ASTN2: variants seen among roughly 807,000 people sequenced by gnomAD.
The protein encoded by ASTN2 is astrotactin 2.
Under a neutral mutation model 139.8 loss-of-function variants are expected in ASTN2, and 54 were observed. The ratio of observed to expected loss-of-function variants is 0.39; its 90% CI spans 0.31 to 0.48. ASTN2 has a LOEUF of 0.48. ASTN2 is among the 20% of genes least tolerant of loss of function. The pLI is 0.95. For missense variants in ASTN2, 1,565 were observed against 1,725.1 expected, an observed-to-expected ratio of 0.91 and a Z score of 1.64; for synonymous variants, 756 against 719.5, an observed-to-expected ratio of 1.05 and a Z score of -0.81.
intron 19 of ASTN2, among the ~76,000 whole-genome samples, chr9:116,513,061 TTTGC>T (rs1331075645): frequency 6.6e-6 from 1 of 152,242 alleles, no homozygotes; most frequent in Non-Finnish European, 1.5e-5. Flanking sequence ...AGCTGGTTAT[TTTGC>T]TTGTTAGTTG....
chr9:116,807,793 T>C (rs765796742), intron 12 of ASTN2, among the ~76,000 whole-genome samples: 52 of 152,048 alleles, frequency 3.4e-4, no homozygotes, highest in African/African-American at 7.2e-4. Context: ...TGAATAAATA[T>C]ATTATTGTTG....
intron 5 of ASTN2, among the ~76,000 whole-genome samples, chr9:117,053,645 C>T (rs1219579928): frequency 6.6e-6 from 1 of 152,136 alleles, no homozygotes; most frequent in African/African-American, 2.4e-5. Flanking sequence ...GTTTGTTGAC[C>T]ATCAAGGGCC....
At chr9:116,457,212 A>T (rs987198205) in intron 20 of ASTN2, among the ~76,000 whole-genome samples, 15 of 152,250 alleles carry the variant, frequency 9.9e-5, no homozygotes, top group South Asian at 4.1e-4. Flanking sequence ...CAAAATAATT[A>T]AAAAAGTTAC....
chr9:116,624,355 C>G (rs574357015), intron 17 of ASTN2, among the ~76,000 whole-genome samples: 3 of 152,244 alleles, frequency 2.0e-5, no homozygotes, highest in Non-Finnish European at 4.4e-5. Context: ...CTTGTGCCTT[C>G]CAGAAACTAA....
chr9:116,620,586 C>T, intron 17 of ASTN2, 143 bp from the exon 18 acceptor site: 5 of 1,039,748 alleles, frequency 4.8e-6, no homozygotes, highest in South Asian at 2.9e-5. Flanking sequence ...TCCCTAAGTT[C>T]CTTGCACTCT....
At chr9:116,946,865 C>T (rs2132478651) in intron 10 of ASTN2, among the ~76,000 whole-genome samples, 1 of 150,864 alleles carries the variant, frequency 6.6e-6, no homozygotes, top group East Asian at 1.9e-4. Flanking sequence ...CATGCCACCC[C>T]CAACCTCCAT....
chr9:116,723,082 G>A (rs758930429), intron 16 of ASTN2, among the ~76,000 whole-genome samples: 1 of 151,972 alleles, frequency 6.6e-6, no homozygotes, highest in Non-Finnish European at 1.5e-5. Context: ...GGAGAATGGC[G>A]TGAACCCGGA....
intron 13 of ASTN2, among the ~76,000 whole-genome samples, chr9:116,777,874 G>GAATCTT (rs1244100608): frequency 1.1e-3 from 4 of 3,772 alleles, no homozygotes; most frequent in Non-Finnish European, 8.1e-3. Context: ...TTTTGACATG[G>GAATCTT]AGTCTGTTGT....
At chr9:116,790,674 G>A (rs1199233668) in intron 13 of ASTN2, among the ~76,000 whole-genome samples, 1 of 143,536 alleles carries the variant, frequency 7.0e-6, no homozygotes, top group Non-Finnish European at 1.5e-5. Context: ...TTTATCTCCA[G>A]AGATTTTTTT....
intron 3 of ASTN2, among the ~76,000 whole-genome samples, chr9:117,194,572 T>C (rs1831440370): frequency 6.6e-6 from 1 of 152,202 alleles, no homozygotes; most frequent in African/African-American, 2.4e-5. Context: ...GTATAAAACA[T>C]AGTTTTGATT....
chr9:117,206,299 C>T (rs981259958), intron 3 of ASTN2, among the ~76,000 whole-genome samples: 1 of 152,158 alleles, frequency 6.6e-6, no homozygotes, highest in Non-Finnish European at 1.5e-5. Flanking sequence ...AGAAACTTCT[C>T]ACTGTGGGGA....
intron 19 of ASTN2, among the ~76,000 whole-genome samples, chr9:116,511,199 G>A (rs1181650288): frequency 6.6e-6 from 1 of 152,138 alleles, no homozygotes. Flanking sequence ...CTTATTGAGA[G>A]TTTTTAGCAT....
In ASTN2 at chr9:117,128,549, G is replaced by T. The variant is rs114313656; in HGVS notation, c.1168+12777C>A. Among the ~76,000 whole-genome samples, 1,331 of 152,232 alleles carry T rather than the reference G, an allele frequency of 8.7e-3. 17 individuals carry two copies. The highest frequency in any genetic ancestry group is 0.031 in the African/African-American group (1,276 of 41,542). On this transcript the variant is annotated intron_variant, in intron 4 of 22. Transcript: ENST00000313400. Reference sequence around the variant, plus strand: ...TAATTTCTAATCTTGTGGCTAATGTGTTAATTTTACAAAGGAGGTCTGATC... The same window carrying T: ...TAATTTCTAATCTTGTGGCTAATGTTTTAATTTTACAAAGGAGGTCTGATC...
At chr9:117,085,251 T>C (rs1203183651) in intron 5 of ASTN2, among the ~76,000 whole-genome samples, 1 of 152,232 alleles carries the variant, frequency 6.6e-6, no homozygotes, top group Admixed American at 6.5e-5. Context: ...GAAAATGGTC[T>C]TTGAATCCTA....
Position 116,423,287 on chromosome 9 carries a change from C to T in ASTN2, c.*2564G>A, listed in dbSNP as rs1847232553. 1.3e-5 allele frequency among the ~76,000 whole-genome samples: 2 copies of T among 152,154 alleles called. No individual in the cohort carries two copies. Among genetic ancestry groups the T allele is most frequent in the South Asian group, 4.1e-4 (2 of 4,826 alleles). On this transcript the variant is annotated 3_prime_UTR_variant, in exon 23 of 23. Coordinates refer to ENST00000313400, the MANE Select transcript of ASTN2 (RefSeq NM_001365068.1). The stretch of plus-strand genomic sequence containing the variant: ...ATTGGATGCATGTTAACTCCCTTAT[C>T]ATTCAAGCTGGGAAACAACCCCTTG...
chr9:117,111,013 G>C (rs913865890), intron 4 of ASTN2, among the ~76,000 whole-genome samples: 9 of 152,232 alleles, frequency 5.9e-5, no homozygotes, highest in African/African-American at 2.2e-4. Context: ...GACAGGCTCA[G>C]CTGAAGATAA....
At chr9:116,471,433 T>A (rs999650965) in intron 20 of ASTN2, among the ~76,000 whole-genome samples, 4 of 152,160 alleles carry the variant, frequency 2.6e-5, no homozygotes, top group African/African-American at 9.7e-5. Context: ...AAACAGGGCC[T>A]CTCCCTCCCC....
chr9:117,140,042 A>G (rs1291685046), intron 4 of ASTN2, among the ~76,000 whole-genome samples: 1 of 152,226 alleles, frequency 6.6e-6, no homozygotes, highest in East Asian at 1.9e-4. Context: ...TTTGTACCTT[A>G]GTGAAATTAT....
At chr9:117,168,153 A>G (rs1173680203) in intron 3 of ASTN2, among the ~76,000 whole-genome samples, 1 of 152,028 alleles carries the variant, frequency 6.6e-6, no homozygotes, top group Non-Finnish European at 1.5e-5. Flanking sequence ...AGGAACTAAG[A>G]AGCTGGTGGG....
Sources: allele counts gnomAD v4.1 joint callset (sites outside exome capture counted in the v4.1 genomes callset), GRCh38; gene constraint gnomAD v4.1.1; transcripts MANE v1.5; gene names NCBI Gene and HGNC (gene_info 2026-07-23, HGNC 2026-07-21).